Variants in HIF1A observed in about 807,000 individuals in gnomAD.
HIF1A encodes the protein hypoxia inducible factor 1 subunit alpha.
A neutral mutation model predicts 92.7 loss-of-function variants in HIF1A; 24 were observed. The ratio of observed to expected loss-of-function variants is 0.26; its 90% CI spans 0.19 to 0.36. HIF1A has a LOEUF of 0.36. HIF1A is among the 10% of genes least tolerant of loss of function. The probability of loss-of-function intolerance (pLI) is 1.00; values close to 1 mark genes in which losing one functional copy is unlikely to be tolerated. For synonymous variants in HIF1A, 319 were observed against 338.7 expected (o/e 0.94, Z 0.64); for missense variants, 799 against 998.5 (o/e 0.80, Z 2.69).
chr14:61,736,792 TA>T, intron 8 of HIF1A, 96 bp from the exon 9 acceptor site: 1 of 777,580 alleles, frequency 1.3e-6, no homozygotes, highest in Non-Finnish European at 2.1e-6. Flanking sequence ...TTCCTGTCCA[TA>T]AAGCAGAATT....
At chr14:61,734,097 A>C (rs775242717) in intron 7 of HIF1A, 41 bp from the exon 8 acceptor site, 1 of 1,398,060 alleles carries the variant, frequency 7.2e-7, no homozygotes, top group South Asian at 1.5e-5. Context: ...TTCAAAGTTA[A>C]AATATTTTCT....
chr14:61,700,955 GAAAGGAGAGTAAGTACCTCTA>G, intron 1 of HIF1A, among the ~76,000 whole-genome samples: 1 of 152,288 alleles, frequency 6.6e-6, no homozygotes, highest in East Asian at 1.9e-4. Flanking sequence ...AGCTTTAACT[GAAAGGAGAGTAAGTACCTCTA>G]AAAGGAGAAT....
At chr14:61,722,396 T>G (rs1019484117) in intron 4 of HIF1A, among the ~76,000 whole-genome samples, 3 of 152,134 alleles carry the variant, frequency 2.0e-5, no homozygotes, top group Non-Finnish European at 4.4e-5. Context: ...GCTACCTTTT[T>G]TTTCCTTTTC....
rs147649358 is a variant in HIF1A, at chr14:61,736,214, C to T, written c.1029-675C>T. On this transcript the variant is annotated intron_variant, in intron 8 of 14. Coordinates refer to ENST00000337138, the MANE Select transcript of HIF1A (RefSeq NM_001530.4). ...AGGCTCTTGAACTCCCAGGCTCAAG[C>T]GATCCACCCGCCTCAGCCTCCCAAA... is the stretch of plus-strand genomic sequence containing the variant. 2.2e-3 allele frequency among the ~76,000 whole-genome samples: 341 copies of T among 152,110 alleles called. 1 individual carries two copies. The highest frequency in any genetic ancestry group is 0.02 in the Middle Eastern group (6 of 294).
At chr14:61,744,644 C>A in intron 12 of HIF1A, 61 bp from the exon 13 acceptor site, 1 of 649,980 alleles carries the variant, frequency 1.5e-6, no homozygotes, top group Non-Finnish European at 2.7e-6. Flanking sequence ...TCTTTAAAAG[C>A]GCTCACTGGA....
At chr14:61,735,222 T>G (rs533381675) in intron 8 of HIF1A, among the ~76,000 whole-genome samples, 73 of 152,346 alleles carry the variant, frequency 4.8e-4, no homozygotes, top group African/African-American at 1.7e-3. Flanking sequence ...CTTGCCTAGG[T>G]GTACAGCATC....
intron 1 of HIF1A, among the ~76,000 whole-genome samples, chr14:61,701,753 C>G (rs1594855453): frequency 6.6e-6 from 1 of 152,036 alleles, no homozygotes; most frequent in South Asian, 2.1e-4. Flanking sequence ...TTTGGGATGC[C>G]GAGGTGGGTG....
chr14:61,727,983 A>G (rs988609997), intron 6 of HIF1A, among the ~76,000 whole-genome samples: 1 of 151,274 alleles, frequency 6.6e-6, no homozygotes, highest in Non-Finnish European at 1.5e-5. Flanking sequence ...ACACCACCAC[A>G]CTGCAAGCCT....
intron 4 of HIF1A, among the ~76,000 whole-genome samples, chr14:61,724,378 T>TCTCTCTCTCTCC (rs1470158587): frequency 6.7e-6 from 1 of 149,562 alleles, no homozygotes; most frequent in Non-Finnish European, 1.5e-5. Context: ...TCTCTCTCTC[T>TCTCTCTCTCTCC]CTCCCCCTCC....
At chr14:61,701,180 CT>C (rs1475067249) in intron 1 of HIF1A, among the ~76,000 whole-genome samples, 6 of 152,260 alleles carry the variant, frequency 3.9e-5, no homozygotes, top group African/African-American at 1.4e-4. Flanking sequence ...TAGCTTTTAG[CT>C]GTTCTGGTGA....
intron 6 of HIF1A, among the ~76,000 whole-genome samples, chr14:61,728,667 A>C (rs1169711098): frequency 2.0e-5 from 3 of 152,170 alleles, no homozygotes; most frequent in African/African-American, 7.2e-5. Flanking sequence ...CTATCTACAT[A>C]TATCTCTTGA....
chr14:61,732,097 C>T (rs940872480), intron 6 of HIF1A, among the ~76,000 whole-genome samples: 1 of 152,298 alleles, frequency 6.6e-6, no homozygotes, highest in African/African-American at 2.4e-5. Context: ...GATCACACCT[C>T]ATTGTGCTCT....
intron 6 of HIF1A, among the ~76,000 whole-genome samples, chr14:61,731,669 C>T (rs991187684): frequency 5.3e-5 from 8 of 152,178 alleles, no homozygotes; most frequent in African/African-American, 1.7e-4. Flanking sequence ...TTAAAAGTTA[C>T]TACATAAAGA....
intron 4 of HIF1A, among the ~76,000 whole-genome samples, chr14:61,725,951 C>T (rs1263560131): frequency 6.6e-6 from 1 of 151,912 alleles, no homozygotes; most frequent in Non-Finnish European, 1.5e-5. Flanking sequence ...TCCCAAGTAG[C>T]TGGGATTACA....
chr14:61,719,140 CTTCA>C (rs1051939250), intron 1 of HIF1A, among the ~76,000 whole-genome samples: 5 of 152,152 alleles, frequency 3.3e-5, no homozygotes, highest in Non-Finnish European at 7.3e-5. Flanking sequence ...CAATTCGGTA[CTTCA>C]TTCACAGGAT....
At chr14:61,738,811 A>G (rs933764235) in intron 10 of HIF1A, among the ~76,000 whole-genome samples, 1 of 152,174 alleles carries the variant, frequency 6.6e-6, no homozygotes, top group Admixed American at 6.5e-5. Context: ...CAGTGGTGCA[A>G]TCACAGCCTC....
intron 8 of HIF1A, 22 bp downstream of exon 8, chr14:61,734,307 A>G: frequency 6.4e-7 from 1 of 1,569,638 alleles, no homozygotes; most frequent in Non-Finnish European, 8.7e-7. Flanking sequence ...TGAGAAATAA[A>G]CATTTTTGGG....
At chr14:61,711,626 T>C (rs1349693089) in intron 1 of HIF1A, among the ~76,000 whole-genome samples, 1 of 152,194 alleles carries the variant, frequency 6.6e-6, no homozygotes, top group Non-Finnish European at 1.5e-5. Flanking sequence ...TGGTGGGTGA[T>C]TGTTTTAATT....
At chr14:61,720,909 C>T (rs1014202830) in intron 2 of HIF1A, among the ~76,000 whole-genome samples, 2 of 152,082 alleles carry the variant, frequency 1.3e-5, no homozygotes, top group African/African-American at 4.8e-5. Flanking sequence ...TTCCCCTCCC[C>T]CCTTTTTCTC....
Sources: gnomAD v4.1 joint callset for allele counts (sites outside exome capture counted in the v4.1 genomes callset) on GRCh38, gnomAD v4.1.1 for gene constraint, MANE v1.5 for transcripts, NCBI Gene and HGNC (gene_info 2026-07-23, HGNC 2026-07-21) for gene names.